The following NF1 variants were observed in gnomAD, a reference collection of about 807,000 sequenced individuals.
NF1 encodes the protein neurofibromin 1.
Under a neutral mutation model 325.7 loss-of-function variants are expected in NF1, and 122 were observed. The ratio of observed to expected loss-of-function variants is 0.37; its 90% CI spans 0.32 to 0.44. The LOEUF (loss-of-function observed/expected upper bound fraction) is 0.44. Ranked by LOEUF, NF1 falls within the 20% of genes least tolerant of loss-of-function variation. NF1 has a pLI of 1.00. For missense variants in NF1, 2,140 were observed against 3,415.4 expected (o/e 0.63, Z 9.31); for synonymous variants, 1,091 against 1,186.0 (o/e 0.92, Z 1.65).
At position 31,332,876 on chromosome 17, in the gene NF1, A is replaced by G. The variant is rs1030981334; in HGVS notation, c.5813-1962A>G. On this transcript the variant is annotated intron_variant, in intron 39 of 57. Transcript: ENST00000358273. The stretch of plus-strand genomic sequence containing the variant: ...AGTTTACTGAGAATGATGGTTTCCA[A>G]TTTCATCCATGTCCCTACAAAGGAT... Among the ~76,000 whole-genome samples the G allele has an allele frequency of 2.9e-4, 12 of 41,638 alleles. 3 individuals are homozygous for G. The highest frequency in any genetic ancestry group is 1.2e-3 in the South Asian group (1 of 850). 27.3% of individuals were successfully genotyped at this position (41,638 alleles called of 152,430 possible).
At chr17:31,259,263 C>G in intron 33 of NF1, 134 bp downstream of exon 33, 1 of 595,306 alleles carries the variant, frequency 1.7e-6, no homozygotes, top group Non-Finnish European at 3.1e-6. Context: ...CAAGACATAG[C>G]TTGTCTTATT....
rs2070743378 is a variant in NF1 at position 31,377,117 on chromosome 17, C to G, written c.*2962C>G. Reference sequence around the variant, plus strand: ...GACTCCCAGGCATAATGAGGCATGTCTTACTCAATGTTATGCAATGGATTT... The same window carrying G: ...GACTCCCAGGCATAATGAGGCATGTGTTACTCAATGTTATGCAATGGATTT... On this transcript the variant is annotated 3_prime_UTR_variant, in exon 58 of 58. Coordinates refer to ENST00000358273, the MANE Select transcript of NF1 (RefSeq NM_001042492.3). 1 of 233,408 alleles carries G rather than the reference C, an allele frequency of 4.3e-6. No individual in the cohort carries two copies. Among genetic ancestry groups the G allele is most frequent in the Non-Finnish European group, 8.5e-6 (1 of 118,024 alleles). 14.5% of individuals were successfully genotyped at this position (233,408 alleles called of 1,614,324 possible).
At chr17:31,340,165 A>C in intron 46 of NF1, 1 of 308,660 alleles carries the variant, frequency 3.2e-6, no homozygotes, top group South Asian at 3.3e-5. Flanking sequence ...ATAATAAAGA[A>C]GGTTGGCATG....
Position 31,159,055 on chromosome 17 carries a change from T to G in NF1, c.250T>G (p.Leu84Val). Reference protein sequence around the residue: ...AAEKNLYLSQLIILDTLEKCL... With the variant: ...AAEKNLYLSQVIILDTLEKCL... ...TGAAAAAAATTTATATCTCTCTCAG[T>G]TGATTATATTGGATACACTGGAAAA... The change falls in exon 3 of 58, where the codon TTG becomes GTG. Residue 84 changes from leucine (L) to valine (V), a missense_variant. Physicochemically the swap from Leu to Val is conservative, Grantham distance 32. Coordinates refer to ENST00000358273, the MANE Select transcript of NF1 (RefSeq NM_001042492.3). The G allele has an allele frequency of 6.2e-7, 1 of 1,608,848 alleles. No homozygotes were observed. The highest frequency in any genetic ancestry group is 8.5e-7 in the Non-Finnish European group (1 of 1,175,420).
intron 1 of NF1, chr17:31,136,478 A>G (rs537891685): frequency 2.5e-4 from 38 of 152,310 alleles, no homozygotes; most frequent in African/African-American, 8.9e-4. Flanking sequence ...GAAATAAACA[A>G]TTCATAAGTT....
chr17:31,163,120 T>G, intron 3 of NF1, 66 bp from the exon 4 acceptor site: 1 of 1,540,608 alleles, frequency 6.5e-7, no homozygotes, highest in East Asian at 2.3e-5. Flanking sequence ...GTTTGAAAAT[T>G]TTCATAATAG....
chr17:31,120,083 G>T (rs1053747768), intron 1 of NF1, among the ~76,000 whole-genome samples: 46 of 152,092 alleles, frequency 3.0e-4, no homozygotes, highest in African/African-American at 1.0e-3. Flanking sequence ...GGATTGTCTT[G>T]GCTCTACGGG....
intron 1 of NF1, among the ~76,000 whole-genome samples, chr17:31,142,180 C>T (rs1203213546): frequency 6.6e-6 from 1 of 152,176 alleles, no homozygotes; most frequent in Non-Finnish European, 1.5e-5. Flanking sequence ...TGAAATCTTA[C>T]ATCTTAAGTT....
At chr17:31,185,170 T>G (rs935062269) in intron 8 of NF1, among the ~76,000 whole-genome samples, 2 of 152,148 alleles carry the variant, frequency 1.3e-5, no homozygotes, top group Non-Finnish European at 2.9e-5. Flanking sequence ...ATAATGTTGA[T>G]TCTCCTCAGA....
intron 36 of NF1, among the ~76,000 whole-genome samples, chr17:31,284,875 C>T (rs767453663): frequency 1.3e-5 from 2 of 152,118 alleles, no homozygotes; most frequent in African/African-American, 4.8e-5. Context: ...AATCCCATCA[C>T]ATTAGGAGGC....
At chr17:31,331,726 T>C (rs1425613361) in intron 39 of NF1, 1 of 151,218 alleles carries the variant, frequency 6.6e-6, no homozygotes, top group Non-Finnish European at 1.5e-5. Flanking sequence ...CTGCCTGTAT[T>C]TAAGAGTTGA....
Position 31,101,099 on chromosome 17 carries a change from G to A in NF1, c.60+5730G>A, listed in dbSNP as rs112758330. Among the ~76,000 whole-genome samples, 570 of 152,032 alleles carry A rather than the reference G, an allele frequency of 3.7e-3. 6 individuals are homozygous for A. The highest frequency in any genetic ancestry group is 0.013 in the African/African-American group (537 of 41,474). On this transcript the variant is annotated intron_variant, in intron 1 of 57. Coordinates refer to ENST00000358273, the MANE Select transcript of NF1 (RefSeq NM_001042492.3). ...TTGTTGTTGTTGCCAGATACTCACC[G>A]CCTCTACTGTTTATCCACCCATTTC...
rs1055695069 is a variant in NF1 at position 31,336,766 on chromosome 17, C to T, written c.6279C>T (p.Ser2093=). Residue 2093 remains serine, a synonymous_variant, in exon 42 of 58, where the codon TCC becomes TCT. Transcript: ENST00000358273. This position sits in a 1 kb window ranked among gnomAD's most constrained non-coding sequence, Gnocchi z 5.5. ...TGCTGATGCTGTCCTTCAACAATTC[C>T]CTTGATGTGGCAGCTCATCTTCCCT... ...RYMLMLSFNN[S]LDVAAHLPYL... is the part of the protein sequence containing the mutation. 2 of 1,613,934 alleles carry T rather than the reference C, an allele frequency of 1.2e-6. No individual in the cohort carries two copies. Among genetic ancestry groups the T allele is most frequent in the Admixed American group, 1.7e-5 (1 of 59,980 alleles).
rs568248213 is a variant in NF1, at chr17:31,357,610, G to T, written c.7970+241G>T. On this transcript the variant is annotated intron_variant, in intron 54 of 57. Transcript: ENST00000358273. ...ATTTATTTAAGTGGTTTATTTTGAT[G>T]ATCATTGCTCATTTTCCTCACTTAG... The T allele has an allele frequency of 7.3e-6, 4 of 549,670 alleles. No individual in the cohort carries two copies. In the South Asian group the frequency reaches 8.3e-5, roughly 11 times the overall value. The allele number at this position is 549,670 out of a possible 1,614,324, so 34.0% of individuals were successfully genotyped here.
chr17:31,337,717 G>A, intron 43 of NF1, 102 bp from the exon 44 acceptor site: 1 of 1,424,708 alleles, frequency 7.0e-7, no homozygotes, highest in South Asian at 1.2e-5. Context: ...CATGGACTGT[G>A]TTATTGGTAA....
At chr17:31,172,555 C>G (rs1373349835) in intron 5 of NF1, among the ~76,000 whole-genome samples, 1 of 152,096 alleles carries the variant, frequency 6.6e-6, no homozygotes, top group Non-Finnish European at 1.5e-5. Flanking sequence ...CTTTTCTCAT[C>G]AATTCTTACA....
chr17:31,327,423 T>G, intron 37 of NF1, 76 bp from the exon 38 acceptor site: 1 of 1,168,812 alleles, frequency 8.6e-7, no homozygotes. Flanking sequence ...GGTTGGTTGG[T>G]TTCTGGAGCC....
Position 31,226,465 on chromosome 17 carries a change from C to T in NF1, c.2032C>T (p.Pro678Ser), listed in dbSNP as rs758691069. 4 of 1,613,726 alleles carry T rather than the reference C, an allele frequency of 2.5e-6. No individual in the cohort carries two copies. The East Asian group carries it at 8.9e-5, about 36-fold the overall frequency. Residue 678 changes from proline (P) to serine (S), a missense_variant, in exon 18 of 58, where the codon CCG becomes TCG. Physicochemically the swap from Pro to Ser is moderately conservative, Grantham distance 74 (BLOSUM62 -1). Transcript: ENST00000358273. ...TGCAGCAGGATGCAGCGGAACCCCC[C>T]CGATTTGCCGACAAGCCCAGACCAA... is the stretch of plus-strand genomic sequence containing the variant. ...DSAAGCSGTPPICRQAQTKLE... is the reference protein window; with the variant it reads ...DSAAGCSGTPSICRQAQTKLE...
chr17:31,155,867 T>C (rs2065651175), intron 1 of NF1, 116 bp from the exon 2 acceptor site: 1 of 1,136,246 alleles, frequency 8.8e-7, no homozygotes, highest in South Asian at 1.4e-5. Context: ...CAAGTATAGG[T>C]ATCTGTGGTT....
Sources: allele counts gnomAD v4.1 joint callset (sites outside exome capture counted in the v4.1 genomes callset), GRCh38; gene constraint gnomAD v4.1.1; non-coding constraint Gnocchi (gnomAD v3.1); transcripts MANE v1.5; gene names NCBI Gene and HGNC (gene_info 2026-07-23, HGNC 2026-07-21).